The following ABLIM2 variants were observed in gnomAD, a reference collection of about 807,000 sequenced individuals.
ABLIM2 encodes actin binding LIM protein family member 2.
In ABLIM2, 53 loss-of-function variants were observed where a neutral mutation model predicts 97.7. The observed-to-expected ratio is 0.54, with a 90% CI of 0.44 to 0.68. ABLIM2 has a LOEUF of 0.68. Ranked by LOEUF, ABLIM2 falls within the 30% of genes least tolerant of loss-of-function variation. The pLI is 0.00. For synonymous variants in ABLIM2, 361 were observed against 345.8 expected, an observed-to-expected ratio of 1.04 and a Z score of -0.49; for missense variants, 835 against 867.2, an observed-to-expected ratio of 0.96 and a Z score of 0.47.
At chr4:8,049,585 T>A (rs1451816179) in intron 8 of ABLIM2, among the ~76,000 whole-genome samples, 1 of 152,210 alleles carries the variant, frequency 6.6e-6, no homozygotes, top group East Asian at 1.9e-4. Context: ...AACGCAGACC[T>A]TAAGTCTGAT....
chr4:8,066,365 GGAAGGAA>G (rs1235865656), intron 6 of ABLIM2, among the ~76,000 whole-genome samples: 8,458 of 52,056 alleles, frequency 0.16, 1,140 homozygotes, highest in Non-Finnish European at 0.18. Flanking sequence ...AGGGAGGGAA[GGAAGGAA>G]GGAAGGAAGG....
intron 20 of ABLIM2, 69 bp from the exon 21 acceptor site, chr4:7,967,172 G>GCAAA: frequency 7.5e-7 from 1 of 1,337,236 alleles, no homozygotes; most frequent in Non-Finnish European, 1.1e-6. Context: ...TGGGCAGTTT[G>GCAAA]CTGCCGCCAA....
Position 8,039,078 on chromosome 4 carries a change from T to C in ABLIM2, c.901-2783A>G, listed in dbSNP as rs551872597. Among the ~76,000 whole-genome samples, 4 of 152,250 alleles carry C rather than the reference T, an allele frequency of 2.6e-5. No homozygotes were observed. The East Asian group carries it at 7.7e-4, about 29-fold the overall frequency. ...GTGTTGATCTTCATCTGTTGAGTTG[T>C]CCCTTATCCCCTCAAGACTGTGGCT... On this transcript the variant is annotated intron_variant, in intron 9 of 20. Coordinates refer to ENST00000447017, the MANE Select transcript of ABLIM2 (RefSeq NM_001130083.2).
In ABLIM2 at chr4:8,056,546, C is replaced by T. The variant is rs576480904; in HGVS notation, c.764-2300G>A. Among the ~76,000 whole-genome samples, 22 of 152,112 alleles carry T rather than the reference C, an allele frequency of 1.4e-4. No individual in the cohort carries two copies. The East Asian group carries it at 3.5e-3, about 24-fold the overall frequency. ...AAACTCCTGGGCTCAAGCAATCTGCCTGCCTTGGCCTCCCAAAGTGCTGGG... is the reference window on the plus strand; with the variant it reads ...AAACTCCTGGGCTCAAGCAATCTGCTTGCCTTGGCCTCCCAAAGTGCTGGG... On this transcript the variant is annotated intron_variant, in intron 7 of 20. Coordinates refer to ENST00000447017, the MANE Select transcript of ABLIM2 (RefSeq NM_001130083.2).
chr4:7,967,051 T>C lies in ABLIM2; in HGVS notation c.1877A>G (p.Glu626Gly), dbSNP rs1442252167. 2 of 1,613,852 alleles carry C rather than the reference T, an allele frequency of 1.2e-6. No homozygotes were observed. Among genetic ancestry groups the C allele is most frequent in the Admixed American group, 1.7e-5 (1 of 60,024 alleles). Residue 626 changes from glutamate (E) to glycine (G), a missense_variant, in exon 21 of 21, where the codon GAG (glutamate) becomes GGG (glycine). Transcript: ENST00000447017. ...FQEVFGMSIEEFDRLALWKRN... is the reference protein window; with the variant it reads ...FQEVFGMSIEGFDRLALWKRN... ...CTTCCAGAGGGCCAGGCGGTCAAAC[T>C]CCTCGATGCTCATCCCAAACACTTC...
At position 8,158,693 on chromosome 4, in the gene ABLIM2, A is replaced by G. The variant is rs1184548289; in HGVS notation, c.-4T>C. The G allele has an allele frequency of 3.1e-5, 45 of 1,465,062 alleles. No homozygotes were observed. The highest frequency in any genetic ancestry group is 4.0e-5 in the Non-Finnish European group (44 of 1,110,662). 90.8% of individuals were successfully genotyped at this position (1,465,062 alleles called of 1,614,324 possible). A position where few individuals can be genotyped will look rare whatever the true frequency, so the allele number is the denominator to read the frequency against. On this transcript the variant is annotated 5_prime_UTR_variant, in exon 1 of 21. Coordinates refer to ENST00000447017, the MANE Select transcript of ABLIM2 (RefSeq NM_001130083.2). ...CCCAGCACCCACCTGCACTCATCTC[A>G]GCAGCCGCTCGGAGTCGGGGCGGCC... is the stretch of plus-strand genomic sequence containing the variant.
In ABLIM2 at chr4:8,043,686, C is replaced by T. The variant is rs1366113368; in HGVS notation, c.900+1478G>A. 2.0e-5 allele frequency among the ~76,000 whole-genome samples: 3 copies of T among 152,194 alleles called. No individual in the cohort carries two copies. Among genetic ancestry groups the T allele is most frequent in the Middle Eastern group, 3.2e-3 (1 of 316 alleles). On this transcript the variant is annotated intron_variant, in intron 9 of 20. Coordinates refer to ENST00000447017, the MANE Select transcript of ABLIM2 (RefSeq NM_001130083.2). The surrounding 1 kb of genome is among the most constrained non-coding windows in gnomAD (Gnocchi z 4.8). ...TGCTGACTCCTTGATCCTGGGTTTC[C>T]AGGCTCTGGAACTTTGAGACAATTT...
rs1307694627 is a variant in ABLIM2, at chr4:8,125,453, G to A, written c.11-18816C>T. Among the ~76,000 whole-genome samples the A allele has an allele frequency of 1.3e-5, 2 of 152,238 alleles. No individual in the cohort carries two copies. The highest frequency in any genetic ancestry group is 2.9e-5 in the Non-Finnish European group (2 of 68,048). On this transcript the variant is annotated intron_variant, in intron 1 of 20. Coordinates refer to ENST00000447017, the MANE Select transcript of ABLIM2 (RefSeq NM_001130083.2). This position sits in a 1 kb window ranked among gnomAD's most constrained non-coding sequence, Gnocchi z 6.2. ...TTGCTTCGCATGTGAATCGCGATCT[G>A]CAGTGCTGATGGCCGCAGGTTTGCC...
intron 2 of ABLIM2, among the ~76,000 whole-genome samples, chr4:8,106,210 G>A (rs111309648): frequency 2.1e-3 from 326 of 152,272 alleles, no homozygotes; most frequent in African/African-American, 7.1e-3. Flanking sequence ...TCCTCTGGCC[G>A]CAGGACCAGA....
chr4:8,061,137 T>C lies in ABLIM2; in HGVS notation c.676-83A>G. The C allele has an allele frequency of 2.5e-6, 3 of 1,217,690 alleles. No homozygotes were observed. The highest frequency in any genetic ancestry group is 1.3e-5 in the South Asian group (1 of 76,410). The allele number at this position is 1,217,690 out of a possible 1,614,324, so 75.4% of individuals were successfully genotyped here. Reference sequence around the variant, plus strand: ...CCCAGCGCCCGGCATGGATACAGCATGCCCTGAGCACAGGTACTCAGGGGA... The same window carrying C: ...CCCAGCGCCCGGCATGGATACAGCACGCCCTGAGCACAGGTACTCAGGGGA... On this transcript the variant is annotated intron_variant, in intron 6 of 20. Transcript: ENST00000447017. The surrounding 1 kb of genome is among the most constrained non-coding windows in gnomAD (Gnocchi z 4.5).
intron 10 of ABLIM2, among the ~76,000 whole-genome samples, chr4:8,030,684 C>T (rs1394873290): frequency 6.6e-6 from 1 of 152,246 alleles, no homozygotes; most frequent in East Asian, 1.9e-4. Flanking sequence ...GCCCGGGGCG[C>T]ACTCTCTCGG....
intron 1 of ABLIM2, among the ~76,000 whole-genome samples, chr4:8,133,667 C>T (rs1849759038): frequency 6.6e-6 from 1 of 152,230 alleles, no homozygotes; most frequent in African/African-American, 2.4e-5. Flanking sequence ...CTGTGCTCTG[C>T]ACACACCTAG....
chr4:8,090,862 A>G (rs1577557946), intron 3 of ABLIM2, among the ~76,000 whole-genome samples: 1 of 152,140 alleles, frequency 6.6e-6, no homozygotes, highest in African/African-American at 2.4e-5. Flanking sequence ...ATAAATCACA[A>G]CAGCCATTCC....
chr4:8,045,151 G>T lies in ABLIM2; in HGVS notation c.900+13C>A. 1 of 1,612,582 alleles carries T rather than the reference G, an allele frequency of 6.2e-7. No homozygotes were observed. The highest frequency in any genetic ancestry group is 8.5e-7 in the Non-Finnish European group (1 of 1,178,662). On this transcript the variant is annotated intron_variant, in intron 9 of 20. Transcript: ENST00000447017. ...CCTCCCACCGCCGTCCCCATAAAAA[G>T]GCCCTGACTTACATAAATCACACGG...
At position 8,054,199 on chromosome 4, in the gene ABLIM2, C is replaced by T; in HGVS notation, c.811G>A (p.Asp271Asn). ...PACRQAARTE[D>N]RNKETRTSSE... ...TGAATGCCACCAACCTTGTTTCTGTCTTCAGTTCTGGCTGCTTGTCGACAC... is the reference window on the plus strand; with the variant it reads ...TGAATGCCACCAACCTTGTTTCTGTTTTCAGTTCTGGCTGCTTGTCGACAC... Residue 271 changes from aspartate (D) to asparagine (N), a missense_variant, in exon 8 of 21, where the codon GAC (aspartate) becomes AAC (asparagine). Physicochemically the swap from Asp to Asn is conservative, Grantham distance 23 (BLOSUM62 1). Coordinates refer to ENST00000447017, the MANE Select transcript of ABLIM2 (RefSeq NM_001130083.2). The surrounding 1 kb of genome is among the most constrained non-coding windows in gnomAD (Gnocchi z 4.9). The T allele has an allele frequency of 6.2e-7, 1 of 1,614,050 alleles. No homozygotes were observed. The highest frequency in any genetic ancestry group is 8.5e-7 in the Non-Finnish European group (1 of 1,179,904).
Position 8,085,451 on chromosome 4 carries a change from C to T in ABLIM2, c.454+2718G>A, listed in dbSNP as rs937006643. Among the ~76,000 whole-genome samples the T allele has an allele frequency of 1.2e-4, 19 of 152,264 alleles. No homozygotes were observed. Among genetic ancestry groups the T allele is most frequent in the African/African-American group, 4.3e-4 (18 of 41,560 alleles). On this transcript the variant is annotated intron_variant, in intron 4 of 20. Transcript: ENST00000447017. The surrounding 1 kb of genome is among the most constrained non-coding windows in gnomAD (Gnocchi z 6.1). ...GTGCCATTCCCATTCCCCGCCCCCACGCTGCAGCCCCGTCCACTCACACGG... is the reference window on the plus strand; with the variant it reads ...GTGCCATTCCCATTCCCCGCCCCCATGCTGCAGCCCCGTCCACTCACACGG...
intron 1 of ABLIM2, among the ~76,000 whole-genome samples, chr4:8,137,957 C>T (rs56109431): frequency 0.14 from 21,166 of 152,256 alleles, 1,940 homozygotes; most frequent in African/African-American, 0.26. Context: ...AAATGTGGCC[C>T]AGCCATTCAG....
chr4:8,142,087 G>C (rs1194416117), intron 1 of ABLIM2, among the ~76,000 whole-genome samples: 6 of 152,212 alleles, frequency 3.9e-5, no homozygotes, highest in Non-Finnish European at 8.8e-5. Context: ...AGCTGTTCGA[G>C]TTGTCCTGAG....
In ABLIM2 at chr4:8,044,233, C is replaced by A. The variant is rs914996668; in HGVS notation, c.900+931G>T. On this transcript the variant is annotated intron_variant, in intron 9 of 20. Transcript: ENST00000447017. The surrounding 1 kb of genome is among the most constrained non-coding windows in gnomAD (Gnocchi z 4.4). ...AACCCAGGTCCTGGCCTGGCGGGGA[C>A]GGGGAGGGGAGAAGGGGCTTGTCCC... Among the ~76,000 whole-genome samples, 1 of 152,032 alleles carries A rather than the reference C, an allele frequency of 6.6e-6. No homozygotes were observed. Among genetic ancestry groups the A allele is most frequent in the Non-Finnish European group, 1.5e-5 (1 of 68,004 alleles).
Sources: gnomAD v4.1 joint callset for allele counts (sites outside exome capture counted in the v4.1 genomes callset) on GRCh38, gnomAD v4.1.1 for gene constraint, Gnocchi (gnomAD v3.1) non-coding constraint, MANE v1.5 for transcripts, NCBI Gene and HGNC (gene_info 2026-07-23, HGNC 2026-07-21) for gene names.